FOXP1: variants seen among roughly 807,000 people sequenced by gnomAD.
FOXP1 encodes the protein forkhead box P1, also known as forkhead box protein P1.
In FOXP1, 15 loss-of-function variants were observed where a neutral mutation model predicts 98.2. The ratio of observed to expected loss-of-function variants is 0.15; its 90% CI spans 0.10 to 0.24. The LOEUF (loss-of-function observed/expected upper bound fraction) is 0.24. FOXP1 is among the 10% of genes least tolerant of loss of function. The pLI is 1.00. For synonymous variants in FOXP1, 371 were observed against 314.5 expected, an observed-to-expected ratio of 1.18 and a Z score of -1.90; for missense variants, 633 against 848.5, an observed-to-expected ratio of 0.75 and a Z score of 3.15.
intron 3 of FOXP1, among the ~76,000 whole-genome samples, chr3:71,422,472 A>G (rs1215314808): frequency 1.3e-5 from 2 of 152,300 alleles, no homozygotes; most frequent in East Asian, 3.9e-4. Flanking sequence ...TGAGGACCAC[A>G]CTTTGAGCAG....
chr3:71,368,638 A>G (rs2079083324), intron 3 of FOXP1, among the ~76,000 whole-genome samples: 1 of 152,208 alleles, frequency 6.6e-6, no homozygotes, highest in Non-Finnish European at 1.5e-5. Flanking sequence ...AACTAATTTC[A>G]CTGCAATGTC....
chr3:71,322,857 G>A (rs771966271), intron 4 of FOXP1, among the ~76,000 whole-genome samples: 9 of 152,096 alleles, frequency 5.9e-5, no homozygotes, highest in African/African-American at 1.7e-4. Flanking sequence ...CAGCAGTGGC[G>A]GTTACCTCTG....
intron 3 of FOXP1, among the ~76,000 whole-genome samples, chr3:71,366,817 C>T (rs147921868): frequency 3.3e-5 from 5 of 152,164 alleles, no homozygotes; most frequent in African/African-American, 9.7e-5. Flanking sequence ...ACTGAATAGA[C>T]CACCTTACTT....
chr3:70,979,177 G>A (rs2038235973), intron 14 of FOXP1, among the ~76,000 whole-genome samples: 2 of 150,088 alleles, frequency 1.3e-5, no homozygotes, highest in South Asian at 2.1e-4. Flanking sequence ...AGCTACCTAG[G>A]AGGCTGAGGT....
intron 10 of FOXP1, among the ~76,000 whole-genome samples, chr3:71,045,615 C>A (rs1360495880): frequency 6.6e-6 from 1 of 152,034 alleles, no homozygotes; most frequent in East Asian, 1.9e-4. Flanking sequence ...AATGGAGATG[C>A]TGAGTATGTA....
chr3:71,338,052 A>C (rs188050962), intron 4 of FOXP1, among the ~76,000 whole-genome samples: 1 of 152,320 alleles, frequency 6.6e-6, no homozygotes, highest in Non-Finnish European at 1.5e-5. Context: ...CTCTGAAGAG[A>C]TTCGAAAGAG....
chr3:70,970,386 G>C (rs529713556), intron 19 of FOXP1: 58 of 316,464 alleles, frequency 1.8e-4, no homozygotes, highest in South Asian at 1.5e-3. Context: ...ATGTGACGCA[G>C]TGGCCTATCA....
At chr3:71,293,168 AG>A (rs1197042276) in intron 5 of FOXP1, among the ~76,000 whole-genome samples, 3 of 152,200 alleles carry the variant, frequency 2.0e-5, no homozygotes, top group Non-Finnish European at 4.4e-5. Flanking sequence ...TGAATTGCCA[AG>A]GAAAGGCTCT....
chr3:71,483,059 C>T (rs2090402388), intron 3 of FOXP1, among the ~76,000 whole-genome samples: 1 of 151,580 alleles, frequency 6.6e-6, no homozygotes, highest in African/African-American at 2.4e-5. Context: ...AGGCTGATCT[C>T]GAACTCCTGA....
chr3:71,106,757 C>T (rs1432532067), intron 7 of FOXP1, among the ~76,000 whole-genome samples: 1 of 144,664 alleles, frequency 6.9e-6, no homozygotes, highest in African/African-American at 2.6e-5. Context: ...TGCAGTTGCA[C>T]CTGGTTCAAA....
At chr3:71,581,514 C>T (rs2048169185) in intron 2 of FOXP1, 35 bp downstream of exon 2, 1 of 985,370 alleles carries the variant, frequency 1.0e-6, no homozygotes, top group South Asian at 4.7e-5. Flanking sequence ...TCTCCGGTGT[C>T]CCTGGACCCC....
At chr3:71,366,568 T>C (rs1188974792) in intron 3 of FOXP1, among the ~76,000 whole-genome samples, 1 of 152,198 alleles carries the variant, frequency 6.6e-6, no homozygotes, top group Non-Finnish European at 1.5e-5. Context: ...ATTTTTTGTA[T>C]TCTCTAGATT....
chr3:71,182,237 T>A (rs1001206416), intron 6 of FOXP1, among the ~76,000 whole-genome samples: 1 of 152,006 alleles, frequency 6.6e-6, no homozygotes, highest in African/African-American at 2.4e-5. Context: ...AGCAGCTAAG[T>A]GGTAGCGGAA....
At chr3:71,312,056 A>G (rs1418329365) in intron 4 of FOXP1, among the ~76,000 whole-genome samples, 1 of 152,230 alleles carries the variant, frequency 6.6e-6, no homozygotes, top group Non-Finnish European at 1.5e-5. Flanking sequence ...ACTAGAAAGA[A>G]GCCCAACTTA....
intron 3 of FOXP1, among the ~76,000 whole-genome samples, chr3:71,382,469 T>C (rs193026702): frequency 9.9e-5 from 15 of 152,240 alleles, no homozygotes; most frequent in Admixed American, 8.5e-4. Context: ...TGCCAACTAA[T>C]ATATTCCATC....
At chr3:71,023,014 C>A (rs1445840123) in intron 11 of FOXP1, among the ~76,000 whole-genome samples, 1 of 152,168 alleles carries the variant, frequency 6.6e-6, no homozygotes, top group African/African-American at 2.4e-5. Flanking sequence ...AGCAAATACA[C>A]AAACCAAAAG....
chr3:71,087,447 C>A (rs1302845309), intron 7 of FOXP1, among the ~76,000 whole-genome samples: 1 of 152,138 alleles, frequency 6.6e-6, no homozygotes, highest in Non-Finnish European at 1.5e-5. Flanking sequence ...GTACTCTGAC[C>A]ATTTCCTTGA....
intron 7 of FOXP1, among the ~76,000 whole-genome samples, chr3:71,061,187 C>G (rs1221272187): frequency 6.6e-6 from 1 of 152,116 alleles, no homozygotes; most frequent in African/African-American, 2.4e-5. Context: ...AGGACTAAAA[C>G]AAGAGTCCAG....
intron 7 of FOXP1, chr3:71,064,896 C>G: frequency 1.2e-6 from 1 of 815,660 alleles, no homozygotes; most frequent in Non-Finnish European, 1.5e-6. Flanking sequence ...GGCGTGGGGT[C>G]CGGCGGCCTC....
Sources: allele counts gnomAD v4.1 joint callset (sites outside exome capture counted in the v4.1 genomes callset), GRCh38; gene constraint gnomAD v4.1.1; transcripts MANE v1.5; gene names NCBI Gene and HGNC (gene_info 2026-07-23, HGNC 2026-07-21).